Variants in FRMPD4 observed in about 807,000 individuals in gnomAD.
FRMPD4 encodes FERM and PDZ domain-containing protein 4.
Under a neutral mutation model 94.1 loss-of-function variants are expected in FRMPD4, and 22 were observed. That is an observed-to-expected ratio of 0.23 (90% CI 0.17 to 0.33). The LOEUF is 0.33. Ranked by LOEUF, FRMPD4 falls within the 10% of genes least tolerant of loss-of-function variation. The pLI is 1.00. For missense variants in FRMPD4, 1,111 were observed against 1,339.9 expected (o/e 0.83, Z 2.67); for synonymous variants, 631 against 548.6 (o/e 1.15, Z -2.10).
intron 1 of FRMPD4, among the ~76,000 whole-genome samples, chrX:12,147,809 T>C (rs1253704777): frequency 8.9e-6 from 1 of 112,321 alleles, no homozygotes; most frequent in Non-Finnish European, 1.9e-5. Context: ...TGTTTCTGTG[T>C]CATATTTTTC....
intron 1 of FRMPD4, among the ~76,000 whole-genome samples, chrX:12,229,371 C>T (rs2056958789): frequency 8.9e-6 from 1 of 111,796 alleles, no homozygotes; most frequent in Admixed American, 9.5e-5. Context: ...ATACTTATGT[C>T]ATAGGATGTT....
rs1020823177 is a variant in FRMPD4 at position 12,474,055 on chromosome X, T to C, written c.42-24625T>C. On this transcript the variant is annotated intron_variant, in intron 1 of 16. Coordinates refer to ENST00000675598, the MANE Select transcript of FRMPD4 (RefSeq NM_001368397.1). Reference sequence around the variant, plus strand: ...CCACACCTATTCCAAATTGACCACATAGTTGGAAGTAAAGCACTCCTCAGC... The same window carrying C: ...CCACACCTATTCCAAATTGACCACACAGTTGGAAGTAAAGCACTCCTCAGC... 1.4e-3 allele frequency among the ~76,000 whole-genome samples: 155 copies of C among 109,830 alleles called. 1 individual carries two copies. Among genetic ancestry groups the C allele is most frequent in the Non-Finnish European group, 1.8e-3 (93 of 53,128 alleles).
In FRMPD4 at chrX:12,112,430, A is replaced by T. The variant is rs5978482; in HGVS notation, c.95+234412A>T. On this transcript the variant is annotated intron_variant, in intron 3 of 18. Transcript: ENST00000640291. ...TGGGGCTTGTCATGAGGTGGGAGGT[A>T]GGGGGAGGGATAACAGTAGGAGATA... Among the ~76,000 whole-genome samples the T allele has an allele frequency of 2.8e-5, 3 of 108,508 alleles. No individual in the cohort carries two copies. In the Admixed American group the frequency reaches 3.0e-4, roughly 11 times the overall value. The allele number at this position is 108,508 out of a possible 115,157, so 94.2% of individuals were successfully genotyped here.
At chrX:12,481,790 A>C (rs2057683946) in intron 1 of FRMPD4, among the ~76,000 whole-genome samples, 1 of 104,826 alleles carries the variant, frequency 9.5e-6, no homozygotes, top group Admixed American at 1.0e-4. Context: ...AAATACAAAA[A>C]AATTGACCGG....
At position 12,387,024 on chromosome X, in the gene FRMPD4, T is replaced by C. The variant is rs2056405941; in HGVS notation, c.42-111656T>C. Among the ~76,000 whole-genome samples the C allele has an allele frequency of 2.7e-5, 3 of 112,293 alleles. 1 individual carries two copies. The South Asian group carries it at 1.1e-3, about 41-fold the overall frequency. ...CAAACAAAACATAAAGAGAAGCTTT[T>C]TTAAATTTTATTGAAGGCTATTTTT... On this transcript the variant is annotated intron_variant, in intron 1 of 16. Coordinates refer to ENST00000675598, the MANE Select transcript of FRMPD4 (RefSeq NM_001368397.1).
intron 4 of FRMPD4, among the ~76,000 whole-genome samples, chrX:12,645,036 C>A (rs1352712996): frequency 1.8e-5 from 2 of 111,073 alleles, no homozygotes; most frequent in Non-Finnish European, 3.8e-5. Flanking sequence ...TCAAAGAGAC[C>A]ATTAAGGTCT....
chrX:12,701,732 G>A (rs756972434), intron 9 of FRMPD4, 142 bp from the exon 10 acceptor site: 1 of 541,880 alleles, frequency 1.8e-6, no homozygotes, highest in Non-Finnish European at 3.0e-6. Context: ...CAAGCAGCAC[G>A]GTGGAGATGT....
chrX:11,990,819 T>C (rs1417158234), intron 3 of FRMPD4, among the ~76,000 whole-genome samples: 5 of 112,041 alleles, frequency 4.5e-5, no homozygotes. Flanking sequence ...CTAGGTCCTC[T>C]ACACAGGGCT....
intron 1 of FRMPD4, among the ~76,000 whole-genome samples, chrX:12,276,428 C>T (rs770431396): frequency 3.6e-5 from 4 of 111,808 alleles, no homozygotes; most frequent in Non-Finnish European, 7.5e-5. Context: ...GCAGGGCAAT[C>T]GGAAGTGGGG....
intron 1 of FRMPD4, among the ~76,000 whole-genome samples, chrX:11,829,422 T>C (rs58498810): frequency 0.014 from 1,611 of 111,729 alleles, 24 homozygotes; most frequent in African/African-American, 0.049. Flanking sequence ...GGAAAATCTT[T>C]TCTCAAGAAA....
chrX:12,471,346 G>C (rs2057509661), intron 1 of FRMPD4, among the ~76,000 whole-genome samples: 1 of 111,948 alleles, frequency 8.9e-6, no homozygotes, highest in Non-Finnish European at 1.9e-5. Flanking sequence ...ATAAGTAATG[G>C]AGCAAAAATA....
Position 12,653,255 on chromosome X carries a change from A to G in FRMPD4, c.423-21608A>G, listed in dbSNP as rs181409439. ...CATTCTTAAAACGTAAAGAATAGAA[A>G]AAGCAACCAAAGCCAATAGAACCTT... On this transcript the variant is annotated intron_variant, in intron 4 of 16. Coordinates refer to ENST00000675598, the MANE Select transcript of FRMPD4 (RefSeq NM_001368397.1). Among the ~76,000 whole-genome samples the G allele has an allele frequency of 3.1e-4, 35 of 112,384 alleles. No homozygotes were observed. In the Admixed American group the frequency reaches 3.3e-3, roughly 11 times the overall value.
intron 1 of FRMPD4, among the ~76,000 whole-genome samples, chrX:12,316,016 C>G (rs1386127340): frequency 3.6e-5 from 4 of 111,821 alleles, no homozygotes; most frequent in African/African-American, 1.3e-4. Flanking sequence ...GTGAGAAACC[C>G]CTCTCTTTAG....
At chrX:12,136,890 A>AACACACACACAC (rs376427153), upstream of FRMPD4, among the ~76,000 whole-genome samples, 18 of 97,606 alleles carry the variant, frequency 1.8e-4, no homozygotes, top group African/African-American at 6.6e-4. Flanking sequence ...TCTACGTTAA[A>AACACACACACAC]ACACACACAC....
intron 3 of FRMPD4, among the ~76,000 whole-genome samples, chrX:11,949,879 A>C (rs5979497): frequency 0.35 from 38,675 of 110,732 alleles, 5,398 homozygotes; most frequent in East Asian, 0.81. Flanking sequence ...TTTAGATTAT[A>C]TAACTATTTT....
chrX:11,931,161 T>G (rs961453176), intron 3 of FRMPD4, among the ~76,000 whole-genome samples: 1 of 111,981 alleles, frequency 8.9e-6, no homozygotes, highest in Non-Finnish European at 1.9e-5. Context: ...ATACTGACCT[T>G]AGAAATATTT....
intron 3 of FRMPD4, among the ~76,000 whole-genome samples, chrX:12,104,414 G>T (rs1211705121): frequency 8.9e-6 from 1 of 112,123 alleles, no homozygotes; most frequent in Non-Finnish European, 1.9e-5. Flanking sequence ...TTTCAGAATT[G>T]TCTTCCCTCT....
intron 1 of FRMPD4, among the ~76,000 whole-genome samples, chrX:11,856,178 C>A (rs1231361398): frequency 9.0e-6 from 1 of 111,177 alleles, no homozygotes; most frequent in Non-Finnish European, 1.9e-5. Flanking sequence ...GGGAAACCAC[C>A]CCCATGATTC....
chrX:11,883,952 C>A (rs1353895204), intron 3 of FRMPD4, among the ~76,000 whole-genome samples: 1 of 111,728 alleles, frequency 9.0e-6, no homozygotes, highest in Non-Finnish European at 1.9e-5. Context: ...GGTCCCAGAA[C>A]AAATCATTGA....
Sources: allele counts gnomAD v4.1 joint callset (sites outside exome capture counted in the v4.1 genomes callset), GRCh38; gene constraint gnomAD v4.1.1; transcripts MANE v1.5; gene names NCBI Gene and HGNC (gene_info 2026-07-23, HGNC 2026-07-21).